Variants in PRND observed in about 807,000 individuals in gnomAD.
The protein encoded by PRND is prion-like protein doppel.
For missense variants in PRND, 227 were observed against 223.3 expected, an observed-to-expected ratio of 1.02 and a Z score of -0.11; for synonymous variants, 94 against 93.2, an observed-to-expected ratio of 1.01 and a Z score of -0.05.
rs759173464 is a variant in PRND at position 4,724,613 on chromosome 20, T to C, written c.62T>C (p.Leu21Pro). The C allele has an allele frequency of 6.2e-7, 1 of 1,613,988 alleles. No individual in the cohort carries two copies. The highest frequency in any genetic ancestry group is 1.1e-5 in the South Asian group (1 of 91,070). The change falls in exon 2 of 2, where the codon CTC becomes CCC. Residue 21 changes from leucine to proline, a missense_variant. Transcript: ENST00000305817. The surrounding 1 kb of genome is among the most constrained non-coding windows in gnomAD (Gnocchi z 4.8). ...ATVCMLLFSH[L>P]SAVQTRGIKH... ...GTCTGCATGCTGCTCTTCAGCCACC[T>C]CTCTGCGGTCCAGACGAGGGGCATC... is the stretch of plus-strand genomic sequence containing the variant.
rs2256319 is a variant in PRND, at chr20:4,724,311, C to G, written c.-11-230C>G. On this transcript the variant is annotated intron_variant, in intron 1 of 1. Transcript: ENST00000305817. The surrounding 1 kb of genome is among the most constrained non-coding windows in gnomAD (Gnocchi z 4.8). ...TGCCCTTTGCCATTCTTACCTGTCT[C>G]GGAAACCGGGACCAGAGCCCTGAGT... 4.6e-5 allele frequency among the ~76,000 whole-genome samples: 7 copies of G among 152,216 alleles called. No individual in the cohort carries two copies. The East Asian group carries it at 1.4e-3, about 29-fold the overall frequency.
chr20:4,724,303 A>T lies in PRND; in HGVS notation c.-11-238A>T, dbSNP rs747346847. ...ACTATAATTGCCCTTTGCCATTCTT[A>T]CCTGTCTCGGAAACCGGGACCAGAG... On this transcript the variant is annotated intron_variant, in intron 1 of 1. Transcript: ENST00000305817. The surrounding 1 kb of genome is among the most constrained non-coding windows in gnomAD (Gnocchi z 4.8). Among the ~76,000 whole-genome samples, 11 of 152,108 alleles carry T rather than the reference A, an allele frequency of 7.2e-5. No individual in the cohort carries two copies. The highest frequency in any genetic ancestry group is 1.3e-4 in the Admixed American group (2 of 15,278).
chr20:4,724,620 G>A lies in PRND; in HGVS notation c.69G>A (p.Ala23=), dbSNP rs752332173. 2.1e-5 allele frequency: 34 copies of A among 1,614,024 alleles called. No homozygotes were observed. In the Middle Eastern group the frequency reaches 6.6e-4, roughly 31 times the overall value. Residue 23 remains alanine (A), a synonymous_variant, in exon 2 of 2, where the codon GCG becomes GCA. Transcript: ENST00000305817. This position sits in a 1 kb window ranked among gnomAD's most constrained non-coding sequence, Gnocchi z 4.8. ...TGCTGCTCTTCAGCCACCTCTCTGC[G>A]GTCCAGACGAGGGGCATCAAGCACA... ...VCMLLFSHLS[A]VQTRGIKHRI... is the part of the protein sequence containing the mutation.
rs183005165 is a variant in PRND at position 4,727,968 on chromosome 20, A to C, written c.*2886A>C. ...GCCCTGCAAATTTTTTTGTATTTTT[A>C]GTAGAGACAGTGTTTTGCCATGTTG... On this transcript the variant is annotated 3_prime_UTR_variant, in exon 2 of 2. Coordinates refer to ENST00000305817, the MANE Select transcript of PRND (RefSeq NM_012409.4). The C allele has an allele frequency of 1.3e-5, 2 of 159,836 alleles. No homozygotes were observed. The highest frequency in any genetic ancestry group is 4.8e-5 in the African/African-American group (2 of 41,440). 9.9% of individuals were successfully genotyped at this position (159,836 alleles called of 1,614,324 possible).
At position 4,726,880 on chromosome 20, in the gene PRND, G is replaced by A. The variant is rs1923286155; in HGVS notation, c.*1798G>A. Reference sequence around the variant, plus strand: ...GGGGGCAGAGCAGCACAAAGAAACAGCCTTACACTGGGCACATGGAGGAGA... The same window carrying A: ...GGGGGCAGAGCAGCACAAAGAAACAACCTTACACTGGGCACATGGAGGAGA... On this transcript the variant is annotated 3_prime_UTR_variant, in exon 2 of 2. Coordinates refer to ENST00000305817, the MANE Select transcript of PRND (RefSeq NM_012409.4). 6.0e-6 allele frequency: 1 copy of A among 167,112 alleles called. No individual in the cohort carries two copies. Among genetic ancestry groups the A allele is most frequent in the African/African-American group, 2.4e-5 (1 of 41,450 alleles). 10.4% of individuals were successfully genotyped at this position (167,112 alleles called of 1,614,324 possible).
At position 4,724,517 on chromosome 20, in the gene PRND, G is replaced by A. The variant is rs1923201022; in HGVS notation, c.-11-24G>A. On this transcript the variant is annotated intron_variant, in intron 1 of 1. Transcript: ENST00000305817. The surrounding 1 kb of genome is among the most constrained non-coding windows in gnomAD (Gnocchi z 4.8). ...GCCCAGGCAGGCCTGGTGGGGAGCT[G>A]ACCCACCGCCGTTTCTCTGGCAGGT... 6.2e-7 allele frequency: 1 copy of A among 1,613,342 alleles called. No homozygotes were observed. Among genetic ancestry groups the A allele is most frequent in the South Asian group, 1.1e-5 (1 of 91,004 alleles).
rs1303456531 is a variant in PRND at position 4,728,363 on chromosome 20, A to G, written c.*3281A>G. On this transcript the variant is annotated 3_prime_UTR_variant, in exon 2 of 2. Transcript: ENST00000305817. ...TGCTACGTAATCTCACTTAATACAG[A>G]TGTATCATGATTGATTGAATCATTG... is the stretch of plus-strand genomic sequence containing the variant. 1 of 167,098 alleles carries G rather than the reference A, an allele frequency of 6.0e-6. No homozygotes were observed. The highest frequency in any genetic ancestry group is 6.5e-5 in the Admixed American group (1 of 15,278). 10.4% of individuals were successfully genotyped at this position (167,098 alleles called of 1,614,324 possible).
rs1436754217 is a variant in PRND, at chr20:4,724,675, A to G, written c.124A>G (p.Ser42Gly). The G allele has an allele frequency of 1.9e-6, 3 of 1,614,086 alleles. No individual in the cohort carries two copies. Among genetic ancestry groups the G allele is most frequent in the Non-Finnish European group, 2.5e-6 (3 of 1,180,048 alleles). The change falls in exon 2 of 2, where the codon AGC becomes GGC. Residue 42 changes from serine to glycine, a missense_variant. By Grantham distance (56) the Ser-to-Gly change is moderately conservative. Coordinates refer to ENST00000305817, the MANE Select transcript of PRND (RefSeq NM_012409.4). This position sits in a 1 kb window ranked among gnomAD's most constrained non-coding sequence, Gnocchi z 4.8. The stretch of plus-strand genomic sequence containing the variant: ...CAAGTGGAACCGGAAGGCCCTGCCC[A>G]GCACTGCCCAGATCACTGAGGCCCA... ...RIKWNRKALP[S>G]TAQITEAQVA...
chr20:4,728,160 T>A lies in PRND; in HGVS notation c.*3078T>A, dbSNP rs1923339191. 1 of 165,718 alleles carries A rather than the reference T, an allele frequency of 6.0e-6. No homozygotes were observed. Among genetic ancestry groups the A allele is most frequent in the South Asian group, 2.1e-4 (1 of 4,802 alleles). 10.3% of individuals were successfully genotyped at this position (165,718 alleles called of 1,614,324 possible). A position where few individuals can be genotyped will look rare whatever the true frequency, so the allele number is the denominator to read the frequency against. Reference sequence around the variant, plus strand: ...CCTCCTTCCAGCCTGAGATGTAGGCTCCACCTTAACTGTGCTCAGATACAC... The same window carrying A: ...CCTCCTTCCAGCCTGAGATGTAGGCACCACCTTAACTGTGCTCAGATACAC... On this transcript the variant is annotated 3_prime_UTR_variant, in exon 2 of 2. Transcript: ENST00000305817.
intron 1 of PRND, among the ~76,000 whole-genome samples, chr20:4,722,173 G>A (rs1923123002): frequency 6.6e-6 from 1 of 152,166 alleles, no homozygotes; most frequent in Non-Finnish European, 1.5e-5. Context: ...TTTAGGGTTT[G>A]TGGGTTGGGA....
chr20:4,725,206 G>T lies in PRND; in HGVS notation c.*124G>T. The T allele has an allele frequency of 8.0e-7, 1 of 1,242,850 alleles. No homozygotes were observed. Among genetic ancestry groups the T allele is most frequent in the Non-Finnish European group, 1.1e-6 (1 of 884,544 alleles). 77.0% of individuals were successfully genotyped at this position (1,242,850 alleles called of 1,614,324 possible). Reference sequence around the variant, plus strand: ...CCAGGAGCGGCGATGCACTCGCACTGCAAATGCCGCTCTCACGTATGCGCC... The same window carrying T: ...CCAGGAGCGGCGATGCACTCGCACTTCAAATGCCGCTCTCACGTATGCGCC... On this transcript the variant is annotated 3_prime_UTR_variant, in exon 2 of 2. Transcript: ENST00000305817.
intron 1 of PRND, among the ~76,000 whole-genome samples, chr20:4,723,945 T>C (rs1024217923): frequency 6.0e-5 from 2 of 33,150 alleles, no homozygotes; most frequent in East Asian, 4.8e-4. Flanking sequence ...AATATGTGTG[T>C]GTGTGTGTGT....
chr20:4,723,493 C>G (rs1923162426), intron 1 of PRND, among the ~76,000 whole-genome samples: 1 of 152,112 alleles, frequency 6.6e-6, no homozygotes, highest in Non-Finnish European at 1.5e-5. Context: ...GGCAGGGGTC[C>G]CTTTGCTACG....
Position 4,724,032 on chromosome 20 carries a change from G to A in PRND, c.-11-509G>A, listed in dbSNP as rs1281544006. ...TATATGTGTGTATATATACATATATGTGTGTATATATGTATATATGTGTGT... is the reference window on the plus strand; with the variant it reads ...TATATGTGTGTATATATACATATATATGTGTATATATGTATATATGTGTGT... On this transcript the variant is annotated intron_variant, in intron 1 of 1. Coordinates refer to ENST00000305817, the MANE Select transcript of PRND (RefSeq NM_012409.4). This position sits in a 1 kb window ranked among gnomAD's most constrained non-coding sequence, Gnocchi z 4.8. Among the ~76,000 whole-genome samples, 2 of 123,282 alleles carry A rather than the reference G, an allele frequency of 1.6e-5. No homozygotes were observed. Among genetic ancestry groups the A allele is most frequent in the African/African-American group, 3.5e-5 (1 of 28,746 alleles). The allele number at this position is 123,282 out of a possible 152,430, so 80.9% of individuals were successfully genotyped here.
chr20:4,724,050 A>G lies in PRND; in HGVS notation c.-11-491A>G, dbSNP rs138068783. ...CATATATGTGTGTATATATGTATAT[A>G]TGTGTGTGTATATACGTGTATATAT... On this transcript the variant is annotated intron_variant, in intron 1 of 1. Coordinates refer to ENST00000305817, the MANE Select transcript of PRND (RefSeq NM_012409.4). This position sits in a 1 kb window ranked among gnomAD's most constrained non-coding sequence, Gnocchi z 4.8. 4.7e-5 allele frequency among the ~76,000 whole-genome samples: 7 copies of G among 149,428 alleles called. No homozygotes were observed. The highest frequency in any genetic ancestry group is 7.5e-5 in the African/African-American group (3 of 40,140).
At chr20:4,722,452 T>A (rs962711165) in intron 1 of PRND, among the ~76,000 whole-genome samples, 44 of 150,824 alleles carry the variant, frequency 2.9e-4, no homozygotes, top group Non-Finnish European at 3.0e-4. Context: ...GGGGTCCAGA[T>A]GCTCATAGCC....
rs540061894 is a variant in PRND at position 4,724,115 on chromosome 20, C to T, written c.-11-426C>T. Reference sequence around the variant, plus strand: ...ATATATATACGTGTATACACACACACACACACACACACATATAGTCCATGC... The same window carrying T: ...ATATATATACGTGTATACACACACATACACACACACACATATAGTCCATGC... On this transcript the variant is annotated intron_variant, in intron 1 of 1. Transcript: ENST00000305817. The surrounding 1 kb of genome is among the most constrained non-coding windows in gnomAD (Gnocchi z 4.8). Among the ~76,000 whole-genome samples, 1 of 151,816 alleles carries T rather than the reference C, an allele frequency of 6.6e-6. No individual in the cohort carries two copies. Among genetic ancestry groups the T allele is most frequent in the East Asian group, 1.9e-4 (1 of 5,146 alleles).
At position 4,724,569 on chromosome 20, in the gene PRND, C is replaced by CTGG; in HGVS notation, c.25_27dup (p.Trp9dup). On this transcript the variant is annotated inframe_insertion, in exon 2 of 2. Coordinates refer to ENST00000305817, the MANE Select transcript of PRND (RefSeq NM_012409.4). This position sits in a 1 kb window ranked among gnomAD's most constrained non-coding sequence, Gnocchi z 4.8. ...CTGACGCGATGAGGAAGCACCTGAG[C>CTGG]TGGTGGTGGCTGGCCACTGTCTGCA... The CTGG allele has an allele frequency of 6.2e-7, 1 of 1,614,012 alleles. No homozygotes were observed. Among genetic ancestry groups the CTGG allele is most frequent in the Non-Finnish European group, 8.5e-7 (1 of 1,180,038 alleles).
chr20:4,727,373 A>G lies in PRND; in HGVS notation c.*2291A>G, dbSNP rs1324693287. ...CGTGTGTGCCTGAACATTCTTGCTCAAGTTGATGAATCATGGGGTGGAATA... is the reference window on the plus strand; with the variant it reads ...CGTGTGTGCCTGAACATTCTTGCTCGAGTTGATGAATCATGGGGTGGAATA... On this transcript the variant is annotated 3_prime_UTR_variant, in exon 2 of 2. Coordinates refer to ENST00000305817, the MANE Select transcript of PRND (RefSeq NM_012409.4). The G allele has an allele frequency of 6.0e-6, 1 of 167,050 alleles. No homozygotes were observed. Among genetic ancestry groups the G allele is most frequent in the African/African-American group, 2.4e-5 (1 of 41,428 alleles). 10.3% of individuals were successfully genotyped at this position (167,050 alleles called of 1,614,324 possible). A position where few individuals can be genotyped will look rare whatever the true frequency, so the allele number is the denominator to read the frequency against.
Sources: allele counts gnomAD v4.1 joint callset (sites outside exome capture counted in the v4.1 genomes callset), GRCh38; gene constraint gnomAD v4.1.1; non-coding constraint Gnocchi (gnomAD v3.1); transcripts MANE v1.5; gene names NCBI Gene and HGNC (gene_info 2026-07-23, HGNC 2026-07-21).